LARGE1: variants seen among roughly 807,000 people sequenced by gnomAD.
LARGE1 encodes the protein LARGE xylosyl- and glucuronyltransferase 1, also known as xylosyl- and glucuronyltransferase LARGE1.
In LARGE1, 43 loss-of-function variants were observed where a neutral mutation model predicts 87.6. The ratio of observed to expected loss-of-function variants is 0.49; its 90% CI spans 0.38 to 0.63. The LOEUF (loss-of-function observed/expected upper bound fraction) is 0.63, where lower values mean the gene tolerates loss of function less well. LARGE1 is among the 30% of genes least tolerant of loss of function. LARGE1 has a pLI of 0.00. For synonymous variants in LARGE1, 434 were observed against 394.6 expected (o/e 1.10, Z -1.18); for missense variants, 802 against 1,000.2 (o/e 0.80, Z 2.67).
chr22:33,603,966 A>G (rs1172146118), intron 5 of LARGE1, among the ~76,000 whole-genome samples: 2 of 152,228 alleles, frequency 1.3e-5, no homozygotes, highest in East Asian at 3.8e-4. Context: ...CCTCTTAATT[A>G]TCCCCATGAG....
intron 11 of LARGE1, among the ~76,000 whole-genome samples, chr22:33,215,496 A>G (rs1434796403): frequency 1.3e-5 from 2 of 152,096 alleles, no homozygotes. Context: ...GTAGAGAGAG[A>G]ATATTTTATC....
chr22:33,880,783 C>T (rs1396688602), intron 1 of LARGE1, among the ~76,000 whole-genome samples: 2 of 152,176 alleles, frequency 1.3e-5, no homozygotes, highest in African/African-American at 4.8e-5. Flanking sequence ...GCTCCTCTTA[C>T]TTTTGACATA....
rs961576407 is a variant in LARGE1, at chr22:33,285,907, C to T, written c.1731-2559G>A. ...ATAAGGACAGTTTCCTAAAACCATC[C>T]GTGGTTAATGGATCTCACCAGCTCC... On this transcript the variant is annotated intron_variant, in intron 12 of 14. Transcript: ENST00000397394. 3.3e-5 allele frequency among the ~76,000 whole-genome samples: 5 copies of T among 152,232 alleles called. No homozygotes were observed. In the East Asian group the frequency reaches 5.8e-4, roughly 18 times the overall value.
chr22:33,218,901 C>T (rs553549469), intron 11 of LARGE1, among the ~76,000 whole-genome samples: 22 of 152,310 alleles, frequency 1.4e-4, no homozygotes, highest in South Asian at 1.2e-3. Context: ...GGACCTGTGA[C>T]TAGTTCTCAG....
chr22:33,797,281 C>A (rs1021533026), intron 1 of LARGE1, among the ~76,000 whole-genome samples: 15 of 152,202 alleles, frequency 9.9e-5, no homozygotes, highest in Admixed American at 3.9e-4. Flanking sequence ...CTCAGCTCCC[C>A]TTCACCAAGC....
intron 12 of LARGE1, among the ~76,000 whole-genome samples, chr22:33,284,977 G>A (rs1191074437): frequency 6.6e-6 from 1 of 152,146 alleles, no homozygotes; most frequent in Non-Finnish European, 1.5e-5. Flanking sequence ...CACTACCTTT[G>A]GTCCCTCGTC....
At chr22:33,725,950 A>G (rs2083258900) in intron 2 of LARGE1, among the ~76,000 whole-genome samples, 1 of 152,108 alleles carries the variant, frequency 6.6e-6, no homozygotes, top group Non-Finnish European at 1.5e-5. Flanking sequence ...AAATCAGGGG[A>G]GAGATGCTGC....
chr22:33,792,786 C>T (rs185509240), intron 1 of LARGE1, among the ~76,000 whole-genome samples: 56 of 152,308 alleles, frequency 3.7e-4, no homozygotes, highest in Non-Finnish European at 6.6e-4. Flanking sequence ...ACCCTCCTTT[C>T]TCTCCCCCAT....
At chr22:33,141,192 TCTCACA>T in the LARGE1 span, among the ~76,000 whole-genome samples, 10 of 135,440 alleles carry the variant, frequency 7.4e-5, no homozygotes, top group African/African-American at 2.6e-4. Context: ...TCTCTCTCTC[TCTCACA>T]CACACACACA....
intron 12 of LARGE1, among the ~76,000 whole-genome samples, chr22:33,301,557 C>T (rs570095794): frequency 2.0e-5 from 3 of 152,102 alleles, no homozygotes; most frequent in South Asian, 2.1e-4. Flanking sequence ...ACCTTCCCTG[C>T]GTCCATAAAG....
intron 1 of LARGE1, among the ~76,000 whole-genome samples, chr22:33,765,933 C>G (rs981115128): frequency 1.3e-5 from 2 of 152,048 alleles, no homozygotes; most frequent in Non-Finnish European, 2.9e-5. Flanking sequence ...GGTGGTTCCC[C>G]TTTTATGATA....
chr22:33,353,273 G>A (rs369809838), intron 9 of LARGE1, among the ~76,000 whole-genome samples: 3 of 152,192 alleles, frequency 2.0e-5, no homozygotes, highest in East Asian at 1.9e-4. Context: ...TGTGAAAGTC[G>A]GTCTTAAGCT....
chr22:33,690,602 A>C (rs2082071999), intron 2 of LARGE1, among the ~76,000 whole-genome samples: 1 of 152,042 alleles, frequency 6.6e-6, no homozygotes. Flanking sequence ...AAGAAAAGAA[A>C]GGGAGAAGGA....
At chr22:33,663,189 T>C (rs773399893) in intron 2 of LARGE1, among the ~76,000 whole-genome samples, 23 of 152,154 alleles carry the variant, frequency 1.5e-4, no homozygotes, top group Non-Finnish European at 2.9e-4. Context: ...GGAGTTCAGC[T>C]TGACAGAAAT....
intron 1 of LARGE1, among the ~76,000 whole-genome samples, chr22:33,778,861 G>T (rs558085626): frequency 1.8e-4 from 28 of 152,230 alleles, no homozygotes; most frequent in African/African-American, 6.7e-4. Flanking sequence ...ATGTTGGCCA[G>T]GCTGGTCTCG....
chr22:33,375,151 T>C (rs1020038779), intron 9 of LARGE1, among the ~76,000 whole-genome samples: 1 of 152,220 alleles, frequency 6.6e-6, no homozygotes, highest in Non-Finnish European at 1.5e-5. Context: ...GACTTTTATT[T>C]AAAACACTGT....
intron 1 of LARGE1, chr22:33,861,493 C>A: frequency 6.6e-6 from 1 of 152,376 alleles, no homozygotes; most frequent in Non-Finnish European, 1.5e-5. Context: ...TAGAACAAGC[C>A]ATGGAATTTG....
intron 6 of LARGE1, among the ~76,000 whole-genome samples, chr22:33,560,358 G>A (rs935865366): frequency 5.9e-5 from 9 of 152,134 alleles, no homozygotes; most frequent in South Asian, 2.1e-4. Context: ...GCACATCTGC[G>A]GTGCCGTGAG....
intron 1 of LARGE1, among the ~76,000 whole-genome samples, chr22:33,919,175 C>A (rs1220510964): frequency 6.6e-6 from 1 of 151,116 alleles, no homozygotes; most frequent in Non-Finnish European, 1.5e-5. Flanking sequence ...GTGCAAGAGA[C>A]AATCTGTTCC....
Sources: allele counts gnomAD v4.1 joint callset (sites outside exome capture counted in the v4.1 genomes callset), GRCh38; gene constraint gnomAD v4.1.1; transcripts MANE v1.5; gene names NCBI Gene and HGNC (gene_info 2026-07-23, HGNC 2026-07-21).